NOSTRIN: variants seen among roughly 807,000 people sequenced by gnomAD.
NOSTRIN encodes the protein nitric oxide synthase trafficking.
In NOSTRIN, 63 loss-of-function variants were observed where a neutral mutation model predicts 59.0. The ratio of observed to expected loss-of-function variants is 1.07; its 90% CI spans 0.87 to 1.32. The LOEUF is 1.32. NOSTRIN is among the 40% of genes most tolerant of loss of function. The pLI is 0.00. For synonymous variants in NOSTRIN, 200 were observed against 165.4 expected, an observed-to-expected ratio of 1.21 and a Z score of -1.61; for missense variants, 512 against 473.1, an observed-to-expected ratio of 1.08 and a Z score of -0.76.
chr2:168,864,641 CT>C lies in NOSTRIN; in HGVS notation c.1385-188del, dbSNP rs1294945235. Among the ~76,000 whole-genome samples, 2 of 152,240 alleles carry C rather than the reference CT, an allele frequency of 1.3e-5. 1 individual carries two copies. Among genetic ancestry groups the C allele is most frequent in the East Asian group, 3.9e-4 (2 of 5,186 alleles). On this transcript the variant is annotated intron_variant, in intron 15 of 15. Coordinates refer to ENST00000317647, the MANE Select transcript of NOSTRIN (RefSeq NM_001039724.4). ...TATCTCAGTTGTTCATTATCTTACT[CT>C]TTTTAGTATCCTCTGGATTATGCCT...
chr2:168,855,418 A>G lies in NOSTRIN; in HGVS notation c.922A>G (p.Arg308Gly). The G allele has an allele frequency of 6.2e-7, 1 of 1,611,370 alleles. No homozygotes were observed. Among genetic ancestry groups the G allele is most frequent in the Admixed American group, 1.7e-5 (1 of 59,910 alleles). ...GTCTTTACTAAAACCAAAATTATTGAGACTGCAGAGAGACATTGAAAAAGC... is the reference window on the plus strand; with the variant it reads ...GTCTTTACTAAAACCAAAATTATTGGGACTGCAGAGAGACATTGAAAAAGC... ...RKSLLKPKLL[R>G]LQRDIEKASK... Residue 308 changes from arginine to glycine, a missense_variant, in exon 11 of 16, where the codon AGA (arginine) becomes GGA (glycine). Physicochemically the swap from Arg to Gly is moderately radical, Grantham distance 125 (BLOSUM62 -2). Transcript: ENST00000317647.
At chr2:168,837,273 T>C (rs969312916) in intron 7 of NOSTRIN, among the ~76,000 whole-genome samples, 1 of 151,768 alleles carries the variant, frequency 6.6e-6, no homozygotes, top group Non-Finnish European at 1.5e-5. Context: ...ATACATCTTT[T>C]TTTTTTATAA....
chr2:168,857,885 G>A (rs965981760), intron 12 of NOSTRIN, among the ~76,000 whole-genome samples: 4 of 152,158 alleles, frequency 2.6e-5, no homozygotes, highest in African/African-American at 9.7e-5. Flanking sequence ...GTGAGGTATC[G>A]CTGACCTAGT....
chr2:168,826,665 G>A (rs545239760), intron 3 of NOSTRIN, among the ~76,000 whole-genome samples: 33 of 152,278 alleles, frequency 2.2e-4, no homozygotes, highest in African/African-American at 7.5e-4. Context: ...GCTCCTCCAA[G>A]GGGCAAATGT....
In NOSTRIN at chr2:168,824,641, C is replaced by T. The variant is rs3732031; in HGVS notation, c.121C>T (p.Leu41=). Reference sequence around the variant, plus strand: ...CTAGTCCTTTTCTAACAGGGCAAACCTGGAAATTAGCTATGCCAAAGGACT... The same window carrying T: ...CTAGTCCTTTTCTAACAGGGCAAACTTGGAAATTAGCTATGCCAAAGGACT... The part of the protein sequence containing the change: ...VTSVLQQRAN[L]EISYAKGLQK... Residue 41 remains leucine, a synonymous_variant, in exon 3 of 16, where the codon CTG becomes TTG. Transcript: ENST00000317647. 51,781 of 872,280 alleles carry T rather than the reference C, an allele frequency of 0.059. 3,542 individuals are homozygous for T. The highest frequency in any genetic ancestry group is 0.32 in the East Asian group (13,420 of 41,612). 54.0% of individuals were successfully genotyped at this position (872,280 alleles called of 1,614,324 possible).
At chr2:168,843,207 C>A in intron 8 of NOSTRIN, 90 bp downstream of exon 8, 2 of 750,516 alleles carry the variant, frequency 2.7e-6, no homozygotes, top group South Asian at 1.8e-5. Context: ...AAGACCTGCC[C>A]TCTGTCTTAG....
chr2:168,788,924 T>G (rs998615517), intron 2 of NOSTRIN, among the ~76,000 whole-genome samples: 3 of 148,246 alleles, frequency 2.0e-5, no homozygotes, highest in African/African-American at 7.3e-5. Context: ...GATAGATAGA[T>G]AGATAGATAG....
At chr2:168,796,238 G>A (rs370929690), upstream of NOSTRIN, among the ~76,000 whole-genome samples, 13 of 152,348 alleles carry the variant, frequency 8.5e-5, no homozygotes, top group Admixed American at 3.3e-4. Context: ...ACTAGGCGTC[G>A]TCCAGGACTC....
intron 7 of NOSTRIN, among the ~76,000 whole-genome samples, chr2:168,839,884 C>CAAAAAAAAAAAAA (rs58341006): frequency 1.9e-4 from 6 of 31,158 alleles, no homozygotes; most frequent in South Asian, 1.9e-3. Context: ...GACTCCGTCT[C>CAAAAAAAAAAAAA]AAAAAAAAAA....
chr2:168,794,143 T>C (rs1053089516), upstream of NOSTRIN, among the ~76,000 whole-genome samples: 3 of 152,208 alleles, frequency 2.0e-5, no homozygotes, highest in Non-Finnish European at 4.4e-5. Context: ...GATCTCTCGT[T>C]AATGCCTGGA....
At chr2:168,837,031 C>G (rs1687763627) in intron 7 of NOSTRIN, among the ~76,000 whole-genome samples, 1 of 152,164 alleles carries the variant, frequency 6.6e-6, no homozygotes, top group South Asian at 2.1e-4. Context: ...CCGGCTACTT[C>G]TCATTGCATT....
At chr2:168,787,609 C>G (rs574118658) in intron 1 of NOSTRIN, among the ~76,000 whole-genome samples, 111 of 152,318 alleles carry the variant, frequency 7.3e-4, no homozygotes, top group African/African-American at 2.4e-3. Flanking sequence ...CCTTTTATAG[C>G]TGATCCTTAT....
upstream of NOSTRIN, chr2:168,802,390 T>G: frequency 8.6e-6 from 4 of 463,544 alleles, no homozygotes; most frequent in Non-Finnish European, 1.6e-5. Context: ...GGACTCAGGA[T>G]CCTGCCCTCT....
chr2:168,850,596 ATTT>A (rs546749506), intron 8 of NOSTRIN, among the ~76,000 whole-genome samples: 6 of 139,236 alleles, frequency 4.3e-5, no homozygotes, highest in African/African-American at 7.9e-5. Flanking sequence ...ATTCTTCCCA[ATTT>A]TTTTTTTTTT....
In NOSTRIN at chr2:168,791,652, T is replaced by TGG. The variant is rs1468270076; in HGVS notation, c.-473+3605_-473+3606insGG. Among the ~76,000 whole-genome samples the TGG allele has an allele frequency of 9.2e-5, 14 of 152,324 alleles. No homozygotes were observed. The South Asian group carries it at 2.7e-3, about 29-fold the overall frequency. On this transcript the variant is annotated intron_variant, in intron 2 of 20. Coordinates refer to the NOSTRIN transcript ENST00000458381. ...ATTTCTCCACATCCTCTCCAGCACC[T>TGG]GTTGTTTCCTGACTTTTTAATGATC...
At chr2:168,793,685 T>C (rs1461941889), upstream of NOSTRIN, among the ~76,000 whole-genome samples, 1 of 152,180 alleles carries the variant, frequency 6.6e-6, no homozygotes, top group East Asian at 1.9e-4. Flanking sequence ...AAAGACCCTT[T>C]TGTGACTCTA....
chr2:168,863,775 G>GCCAAACAAT (rs1689646754), intron 15 of NOSTRIN: 9 of 475,848 alleles, frequency 1.9e-5, no homozygotes, highest in Non-Finnish European at 2.5e-5. Context: ...CAGCCAACAC[G>GCCAAACAAT]CCAAACAATC....
intron 2 of NOSTRIN, among the ~76,000 whole-genome samples, chr2:168,790,619 T>C (rs533357272): frequency 1.1e-4 from 17 of 152,366 alleles, no homozygotes; most frequent in African/African-American, 4.1e-4. Context: ...TTCAAGTCTG[T>C]CAATGGCAGG....
chr2:168,813,008 A>G (rs948543076), intron 2 of NOSTRIN, among the ~76,000 whole-genome samples: 4 of 141,926 alleles, frequency 2.8e-5, no homozygotes, highest in African/African-American at 4.9e-5. Context: ...GGAGTCAAAA[A>G]GAGAAACATT....
Sources: allele counts gnomAD v4.1 joint callset (sites outside exome capture counted in the v4.1 genomes callset), GRCh38; gene constraint gnomAD v4.1.1; transcripts MANE v1.5; gene names NCBI Gene and HGNC (gene_info 2026-07-23, HGNC 2026-07-21).